BLNK: variants seen among roughly 807,000 people sequenced by gnomAD.
BLNK encodes B-cell linker protein.
Under a neutral mutation model 73.5 loss-of-function variants are expected in BLNK, and 29 were observed. That is an observed-to-expected ratio of 0.39 (90% CI 0.29 to 0.54). The LOEUF (loss-of-function observed/expected upper bound fraction) is 0.54. Among genes scored for constraint, BLNK ranks in the 20% least tolerant of loss-of-function variants. The pLI, the probability that BLNK is intolerant of heterozygous loss-of-function variation, is 0.61. For missense variants in BLNK, 460 were observed against 562.8 expected, an observed-to-expected ratio of 0.82 and a Z score of 1.85; for synonymous variants, 176 against 200.8, an observed-to-expected ratio of 0.88 and a Z score of 1.04.
chr10:96,208,987 C>A (rs1554898042), intron 9 of BLNK, among the ~76,000 whole-genome samples: 2 of 152,214 alleles, frequency 1.3e-5, no homozygotes, highest in Non-Finnish European at 2.9e-5. Flanking sequence ...CAGCTTTAGA[C>A]ATATTTAAAT....
At chr10:96,198,186 T>C (rs1234476835) in intron 15 of BLNK, among the ~76,000 whole-genome samples, 1 of 151,784 alleles carries the variant, frequency 6.6e-6, no homozygotes, top group Non-Finnish European at 1.5e-5. Context: ...GAAATGACAC[T>C]TGAAGGAAGG....
intron 8 of BLNK, among the ~76,000 whole-genome samples, chr10:96,213,120 C>A (rs966814709): frequency 2.6e-5 from 4 of 152,180 alleles, no homozygotes; most frequent in Non-Finnish European, 5.9e-5. Context: ...ATATTTAATA[C>A]AACCAGTGTT....
intron 3 of BLNK, among the ~76,000 whole-genome samples, chr10:96,239,932 C>G (rs587630294): frequency 6.6e-6 from 1 of 152,264 alleles, no homozygotes; most frequent in African/African-American, 2.4e-5. Flanking sequence ...TGACTCTGAA[C>G]TCCTGGAATC....
chr10:96,264,245 A>C (rs1362194609), intron 1 of BLNK, among the ~76,000 whole-genome samples: 1 of 152,164 alleles, frequency 6.6e-6, no homozygotes, highest in Admixed American at 6.6e-5. Context: ...GACCTGATGG[A>C]ATGTAATCAC....
chr10:96,251,146 A>G (rs1228440585), intron 1 of BLNK, among the ~76,000 whole-genome samples: 1 of 152,202 alleles, frequency 6.6e-6, no homozygotes, highest in Non-Finnish European at 1.5e-5. Flanking sequence ...CTCTCTCTGT[A>G]TCTCGTTCAC....
At chr10:96,234,956 G>C (rs1554904788) in intron 3 of BLNK, among the ~76,000 whole-genome samples, 1 of 152,206 alleles carries the variant, frequency 6.6e-6, no homozygotes, top group Admixed American at 6.5e-5. Context: ...CTTTCCTATG[G>C]TGTGGTTTAC....
intron 1 of BLNK, among the ~76,000 whole-genome samples, chr10:96,260,484 A>C (rs1299503150): frequency 6.6e-6 from 1 of 152,236 alleles, no homozygotes; most frequent in African/African-American, 2.4e-5. Flanking sequence ...AGAAAATAAA[A>C]GTGTCTTAAG....
Position 96,189,702 on chromosome 10 carries a change from A to ATCG in BLNK, c.*2270_*2271insCGA, listed in dbSNP as rs1205264010. The stretch of plus-strand genomic sequence containing the variant: ...CTTCAGTTTCCTCATCATCAAAATC[A>ATCG]TCATCATCATCATCATCATCATCAT... On this transcript the variant is annotated 3_prime_UTR_variant, in exon 17 of 17. Transcript: ENST00000224337. 1 of 695,338 alleles carries ATCG rather than the reference A, an allele frequency of 1.4e-6. No individual in the cohort carries two copies. Among genetic ancestry groups the ATCG allele is most frequent in the African/African-American group, 1.8e-5 (1 of 56,138 alleles). The allele number at this position is 695,338 out of a possible 1,614,324, so 43.1% of individuals were successfully genotyped here.
At chr10:96,199,474 A>G in intron 15 of BLNK, 1 of 460,356 alleles carries the variant, frequency 2.2e-6, no homozygotes, top group Non-Finnish European at 4.4e-6. Flanking sequence ...AGCCTTCCAT[A>G]GACCTCCCCT....
At position 96,228,077 on chromosome 10, in the gene BLNK, G is replaced by T. The variant is rs935357291; in HGVS notation, c.205-511C>A. 5.7e-5 allele frequency among the ~76,000 whole-genome samples: 8 copies of T among 141,156 alleles called. No homozygotes were observed. The East Asian group carries it at 8.6e-4, about 15-fold the overall frequency. 92.6% of individuals were successfully genotyped at this position (141,156 alleles called of 152,430 possible). On this transcript the variant is annotated intron_variant, in intron 4 of 16. Transcript: ENST00000224337. The stretch of plus-strand genomic sequence containing the variant: ...GGTCAAGGCTTCAAATGGACTCAGG[G>T]TTTGCTCTCTTTTTTTTCTTTTTTT...
intron 1 of BLNK, among the ~76,000 whole-genome samples, chr10:96,267,694 G>A (rs1202422846): frequency 1.3e-5 from 2 of 152,158 alleles, no homozygotes; most frequent in African/African-American, 4.8e-5. Flanking sequence ...TGTCACATCT[G>A]CAGTCCATGC....
At position 96,269,421 on chromosome 10, in the gene BLNK, CAA is replaced by C. The variant is rs11295392; in HGVS notation, c.47+1929_47+1930del. 2.5e-4 allele frequency among the ~76,000 whole-genome samples: 34 copies of C among 136,780 alleles called. No individual in the cohort carries two copies. In the East Asian group the frequency reaches 4.0e-3, roughly 16 times the overall value. 89.7% of individuals were successfully genotyped at this position (136,780 alleles called of 152,430 possible). A position where few individuals can be genotyped will look rare whatever the true frequency, so the allele number is the denominator to read the frequency against. ...CTACATTATGGAATATGTCTGAAAA[CAA>C]AAAAAAAAAAACATTTGGAATCCTC... On this transcript the variant is annotated intron_variant, in intron 1 of 16. Transcript: ENST00000224337.
rs1554895731 is a variant in BLNK, at chr10:96,200,142, C to T, written c.1028G>A (p.Cys343Tyr). Reference protein sequence around the residue: ...TISEQEAGVLCKPWYAGACDR... With the variant: ...TISEQEAGVLYKPWYAGACDR... ...ACAGGCTCCAGCATACCATGGCTTG[C>T]AGAGAACGCCAGCTTCCTGTGAAAT... The change falls in exon 15 of 17, where the codon TGC (cysteine) becomes TAC (tyrosine). Residue 343 changes from cysteine to tyrosine, a missense_variant. Cys to Tyr is a radical substitution (Grantham distance 194). This residue lies in a region of BLNK where 88 missense variants were observed against 143.4 expected (regional missense o/e 0.61). Transcript: ENST00000224337. The surrounding 1 kb of genome is among the most constrained non-coding windows in gnomAD (Gnocchi z 4.3). The T allele has an allele frequency of 6.2e-7, 1 of 1,614,098 alleles. No homozygotes were observed. Among genetic ancestry groups the T allele is most frequent in the Admixed American group, 1.7e-5 (1 of 60,020 alleles).
chr10:96,201,503 A>G (rs1195301094), intron 13 of BLNK, among the ~76,000 whole-genome samples: 1 of 152,214 alleles, frequency 6.6e-6, no homozygotes, highest in Non-Finnish European at 1.5e-5. Flanking sequence ...AATGAGTTTA[A>G]TATTATTTTT....
At chr10:96,258,465 T>A (rs1554911800) in intron 1 of BLNK, among the ~76,000 whole-genome samples, 2 of 152,214 alleles carry the variant, frequency 1.3e-5, no homozygotes, top group South Asian at 4.1e-4. Context: ...CCTCCTCTTA[T>A]GCCAAGGGAG....
intron 4 of BLNK, among the ~76,000 whole-genome samples, chr10:96,228,460 T>C (rs1298963580): frequency 6.6e-6 from 1 of 152,218 alleles, no homozygotes; most frequent in Non-Finnish European, 1.5e-5. Flanking sequence ...TTTCACCATG[T>C]TGGCCAGGCT....
chr10:96,245,431 G>C (rs543343778), intron 2 of BLNK, among the ~76,000 whole-genome samples: 14 of 152,072 alleles, frequency 9.2e-5, no homozygotes, highest in African/African-American at 3.1e-4. Context: ...GGTCTGCAAT[G>C]AACATTTATT....
At chr10:96,212,385 G>C (rs1313702040) in intron 8 of BLNK, among the ~76,000 whole-genome samples, 2 of 152,160 alleles carry the variant, frequency 1.3e-5, no homozygotes, top group African/African-American at 4.8e-5. Flanking sequence ...ATGAGTGCAA[G>C]TCATCTATAT....
chr10:96,215,270 T>C lies in BLNK; in HGVS notation c.676+51A>G, dbSNP rs372741345. ...ATTACTCTTCATAGTTGATCTGTTT[T>C]TCTTATTTGAAATAGACGTAAAACC... On this transcript the variant is annotated intron_variant, in intron 8 of 16. Transcript: ENST00000224337. 1.9e-5 allele frequency: 30 copies of C among 1,540,676 alleles called. No homozygotes were observed. In the African/African-American group the frequency reaches 2.2e-4, roughly 11 times the overall value.
Sources: allele counts gnomAD v4.1 joint callset (sites outside exome capture counted in the v4.1 genomes callset), GRCh38; gene constraint gnomAD v4.1.1; regional missense constraint gnomAD v4.1.1; non-coding constraint Gnocchi (gnomAD v3.1); transcripts MANE v1.5; gene names NCBI Gene and HGNC (gene_info 2026-07-23, HGNC 2026-07-21).